Variants in FTCDNL1 observed in about 807,000 individuals in gnomAD.
FTCDNL1 encodes formiminotransferase N-terminal subdomain-containing protein.
Under a neutral mutation model 5.9 loss-of-function variants are expected in FTCDNL1, and 11 were observed. That is an observed-to-expected ratio of 1.87 (90% CI 1.18 to 3.10). The LOEUF (loss-of-function observed/expected upper bound fraction) is 3.10. Among genes scored for constraint, FTCDNL1 ranks in the 30% most tolerant of loss-of-function variants. The pLI is 0.00. For missense variants in FTCDNL1, 115 were observed against 65.5 expected, an observed-to-expected ratio of 1.76 and a Z score of -2.61; for synonymous variants, 58 against 24.8, an observed-to-expected ratio of 2.34 and a Z score of -3.99.
the FTCDNL1 span, among the ~76,000 whole-genome samples, chr2:199,695,321 T>G: frequency 6.6e-6 from 1 of 152,198 alleles, no homozygotes; most frequent in Non-Finnish European, 1.5e-5. Context: ...TAAACATCAC[T>G]AATAACATTT....
the FTCDNL1 span, among the ~76,000 whole-genome samples, chr2:199,728,047 T>C: frequency 6.6e-6 from 1 of 152,176 alleles, no homozygotes; most frequent in Non-Finnish European, 1.5e-5. Context: ...TCACTTTTTA[T>C]CCTGGGATCT....
the FTCDNL1 span, among the ~76,000 whole-genome samples, chr2:199,722,351 C>T: frequency 2.0e-5 from 3 of 152,168 alleles, no homozygotes; most frequent in Non-Finnish European, 2.9e-5. Flanking sequence ...ATATGGCTGG[C>T]CAGTTCTCCC....
chr2:199,766,523 T>C (rs1413937420), intron 3 of FTCDNL1, among the ~76,000 whole-genome samples: 1 of 152,230 alleles, frequency 6.6e-6, no homozygotes, highest in Non-Finnish European at 1.5e-5. Context: ...TTGATAATTT[T>C]GTTTCTGCCA....
At chr2:199,664,272 A>C in the FTCDNL1 span, among the ~76,000 whole-genome samples, 1 of 152,176 alleles carries the variant, frequency 6.6e-6, no homozygotes, top group African/African-American at 2.4e-5. Context: ...TTAATTTTTA[A>C]ATGCGTATGT....
intron 3 of FTCDNL1, among the ~76,000 whole-genome samples, chr2:199,794,545 A>C (rs1236007847): frequency 6.6e-6 from 1 of 152,174 alleles, no homozygotes; most frequent in Non-Finnish European, 1.5e-5. Flanking sequence ...TTAAATTAAG[A>C]ACATTAACAT....
At chr2:199,827,241 G>T (rs1383932284) in intron 3 of FTCDNL1, among the ~76,000 whole-genome samples, 1 of 152,198 alleles carries the variant, frequency 6.6e-6, no homozygotes, top group Non-Finnish European at 1.5e-5. Flanking sequence ...ACACCATAAG[G>T]AAGCAAACAG....
chr2:199,833,532 T>C (rs956639103), intron 3 of FTCDNL1, among the ~76,000 whole-genome samples: 2 of 152,234 alleles, frequency 1.3e-5, no homozygotes, highest in Non-Finnish European at 2.9e-5. Context: ...TGGCAAAGCC[T>C]TGGGGATGGC....
chr2:199,760,827 G>C (rs562834390), exon 4 of FTCDNL1: 1 of 702,228 alleles, frequency 1.4e-6, no homozygotes, highest in Non-Finnish European at 2.6e-6. Context: ...GCTTGGTTGC[G>C]CTTGTCCACT....
chr2:199,849,475 A>G (rs1651874268), intron 1 of FTCDNL1, among the ~76,000 whole-genome samples: 1 of 152,234 alleles, frequency 6.6e-6, no homozygotes, highest in Non-Finnish European at 1.5e-5. Context: ...ACATTATACA[A>G]ATAAATAAGG....
At chr2:199,817,455 T>A (rs570425381) in intron 4 of FTCDNL1, among the ~76,000 whole-genome samples, 7 of 152,314 alleles carry the variant, frequency 4.6e-5, no homozygotes, top group South Asian at 4.1e-4. Flanking sequence ...TGAATTTTTT[T>A]ATGTAAATTA....
In FTCDNL1 at chr2:199,809,280, A is replaced by G. The variant is rs1319523027; in HGVS notation, c.*3425T>C. Among the ~76,000 whole-genome samples, 5 of 149,900 alleles carry G rather than the reference A, an allele frequency of 3.3e-5. No individual in the cohort carries two copies. The highest frequency in any genetic ancestry group is 6.7e-5 in the Admixed American group (1 of 14,934). On this transcript the variant is annotated 3_prime_UTR_variant, in exon 5 of 5. Coordinates refer to ENST00000420128, the MANE Select transcript of FTCDNL1 (RefSeq NM_001363886.2). ...TTTAACTTTTTTTTTTCTAATAGAG[A>G]TAGTCTCACTACATTGACCAAGCTG...
At chr2:199,700,765 T>C in the FTCDNL1 span, among the ~76,000 whole-genome samples, 18,209 of 152,090 alleles carry the variant, frequency 0.12, 1,486 homozygotes, top group Middle Eastern at 0.24. Context: ...CTTTGACAAA[T>C]TGACAATAAC....
At chr2:199,695,692 A>T in the FTCDNL1 span, among the ~76,000 whole-genome samples, 1 of 152,162 alleles carries the variant, frequency 6.6e-6, no homozygotes, top group African/African-American at 2.4e-5. Flanking sequence ...TCCTAGCTCC[A>T]GGAGACCCCA....
chr2:199,702,545 T>G, the FTCDNL1 span, among the ~76,000 whole-genome samples: 2 of 152,170 alleles, frequency 1.3e-5, no homozygotes, highest in Admixed American at 1.3e-4. Flanking sequence ...TAAATGAATA[T>G]TAGCAGGTCA....
At chr2:199,775,730 AAAAG>A (rs1188433606) in intron 3 of FTCDNL1, among the ~76,000 whole-genome samples, 1 of 152,202 alleles carries the variant, frequency 6.6e-6, no homozygotes, top group Non-Finnish European at 1.5e-5. Flanking sequence ...TAAGAAGGAA[AAAAG>A]AAAGAGAAAG....
At chr2:199,680,557 A>G in the FTCDNL1 span, among the ~76,000 whole-genome samples, 1 of 152,344 alleles carries the variant, frequency 6.6e-6, no homozygotes, top group African/African-American at 2.4e-5. Context: ...GAGCTATCAC[A>G]GAGAATAAAT....
At position 199,789,227 on chromosome 2, in the gene FTCDNL1, T is replaced by C. The variant is rs1319864053; in HGVS notation, c.212-28392A>G. Among the ~76,000 whole-genome samples the C allele has an allele frequency of 2.6e-5, 4 of 152,088 alleles. No homozygotes were observed. In the South Asian group the frequency reaches 6.2e-4, roughly 24 times the overall value. On this transcript the variant is annotated intron_variant, in intron 3 of 3. Coordinates refer to the FTCDNL1 transcript ENST00000416668. ...CCACAGATTAATCTTACAGTGAATA[T>C]ACTACAAATACTAAGCAAAACATCA...
chr2:199,764,710 G>A (rs749549653), intron 3 of FTCDNL1, among the ~76,000 whole-genome samples: 5 of 152,172 alleles, frequency 3.3e-5, no homozygotes, highest in Non-Finnish European at 7.3e-5. Context: ...TTTTACCGGA[G>A]CAGAATTACT....
In FTCDNL1 at chr2:199,810,799, G is replaced by T. The variant is rs1029717239; in HGVS notation, c.*1906C>A. Among the ~76,000 whole-genome samples the T allele has an allele frequency of 1.3e-5, 2 of 152,164 alleles. No homozygotes were observed. The highest frequency in any genetic ancestry group is 4.8e-5 in the African/African-American group (2 of 41,440). Reference sequence around the variant, plus strand: ...GAATAAAGGACTGACCTCATCTTCAGCATGTGATCATTCCTTAGCTACTAT... The same window carrying T: ...GAATAAAGGACTGACCTCATCTTCATCATGTGATCATTCCTTAGCTACTAT... On this transcript the variant is annotated 3_prime_UTR_variant, in exon 5 of 5. Transcript: ENST00000420128.
Sources: allele counts gnomAD v4.1 joint callset (sites outside exome capture counted in the v4.1 genomes callset), GRCh38; gene constraint gnomAD v4.1.1; transcripts MANE v1.5; gene names NCBI Gene and HGNC (gene_info 2026-07-23, HGNC 2026-07-21).